CDON: variants seen among roughly 807,000 people sequenced by gnomAD.
The protein encoded by CDON is cell adhesion associated, oncogene regulated.
A neutral mutation model predicts 120.9 loss-of-function variants in CDON; 73 were observed. The observed-to-expected ratio is 0.60, with a 90% CI of 0.50 to 0.73. The LOEUF (loss-of-function observed/expected upper bound fraction) is 0.73, where lower values mean the gene tolerates loss of function less well. Among genes scored for constraint, CDON ranks in the 30% least tolerant of loss-of-function variants. The pLI is 0.00. For synonymous variants in CDON, 566 were observed against 573.5 expected (o/e 0.99, Z 0.19); for missense variants, 1,470 against 1,587.3 (o/e 0.93, Z 1.26).
chr11:126,004,252 G>A (rs1947051456), intron 9 of CDON, 176 bp from the exon 10 acceptor site: 9 of 696,286 alleles, frequency 1.3e-5, no homozygotes, highest in Middle Eastern at 4.0e-4. Flanking sequence ...TAGAAGATCT[G>A]CTGCAAGAAC....
At chr11:125,986,241 G>A (rs1003575618) in intron 15 of CDON, among the ~76,000 whole-genome samples, 1 of 152,028 alleles carries the variant, frequency 6.6e-6, no homozygotes, top group Non-Finnish European at 1.5e-5. Flanking sequence ...GGTGGGAATT[G>A]AACAATGAGA....
chr11:126,033,232 G>A (rs1355827231), intron 1 of CDON, among the ~76,000 whole-genome samples: 3 of 152,288 alleles, frequency 2.0e-5, no homozygotes, highest in East Asian at 3.9e-4. Context: ...GTGGTCTGCT[G>A]CTGCTGTTTG....
At chr11:126,053,840 A>C (rs753037847) in intron 1 of CDON, among the ~76,000 whole-genome samples, 11 of 152,046 alleles carry the variant, frequency 7.2e-5, no homozygotes, top group Non-Finnish European at 1.0e-4. Context: ...TCCAGCTGAA[A>C]CCACGCTCAC....
At position 125,965,012 on chromosome 11, in the gene CDON, C is replaced by T. The variant is rs553780731; in HGVS notation, c.3357-3014G>A. On this transcript the variant is annotated intron_variant, in intron 18 of 19. Transcript: ENST00000531738. ...AGTGATCTCAGTTCACTGCAACCTCCGCCTTTCGGGTTCAAGCAATTCTCC... is the reference window on the plus strand; with the variant it reads ...AGTGATCTCAGTTCACTGCAACCTCTGCCTTTCGGGTTCAAGCAATTCTCC... Among the ~76,000 whole-genome samples the T allele has an allele frequency of 3.9e-5, 6 of 152,264 alleles. No individual in the cohort carries two copies. The South Asian group carries it at 6.2e-4, about 16-fold the overall frequency.
chr11:125,998,175 C>T (rs970878155), intron 11 of CDON, among the ~76,000 whole-genome samples: 13 of 152,314 alleles, frequency 8.5e-5, no homozygotes, highest in African/African-American at 2.6e-4. Context: ...GAGGTGAAAA[C>T]ATGAGGAGTA....
intron 17 of CDON, among the ~76,000 whole-genome samples, chr11:125,980,291 G>T (rs1251065842): frequency 6.6e-6 from 1 of 152,110 alleles, no homozygotes; most frequent in African/African-American, 2.4e-5. Flanking sequence ...CTGAAATAAG[G>T]TTGTCTTAAG....
At chr11:125,991,212 G>A (rs896797271) in intron 14 of CDON, among the ~76,000 whole-genome samples, 19 of 152,130 alleles carry the variant, frequency 1.2e-4, no homozygotes, top group African/African-American at 4.3e-4. Flanking sequence ...CATTGTTATA[G>A]TTATTCTTCC....
At chr11:126,031,548 A>G (rs1033174456) in intron 1 of CDON, among the ~76,000 whole-genome samples, 1 of 152,188 alleles carries the variant, frequency 6.6e-6, no homozygotes, top group African/African-American at 2.4e-5. Context: ...GGATGACCTC[A>G]AACATTGTGC....
chr11:125,962,195 G>A (rs1945665357), intron 18 of CDON, among the ~76,000 whole-genome samples, 197 bp from the exon 19 acceptor site: 1 of 152,176 alleles, frequency 6.6e-6, no homozygotes, highest in South Asian at 2.1e-4. Context: ...CCATACAACA[G>A]GAGAATACAC....
intron 1 of CDON, among the ~76,000 whole-genome samples, chr11:126,041,287 T>C (rs957053401): frequency 6.6e-5 from 10 of 152,080 alleles, no homozygotes; most frequent in African/African-American, 2.4e-4. Flanking sequence ...AAAGGCACTA[T>C]TATTTTGTTC....
chr11:125,997,221 CGAACT>C lies in CDON; in HGVS notation c.2343_2347del (p.Val782Ter). On this transcript the variant is annotated frameshift_variant, in exon 12 of 20. Transcript: ENST00000531738. LOFTEE classifies it high-confidence loss of function. ...AATATTACTACCTGGTTCTAAACTA[CGAACT>C]TCCACTGAAAGTTTGGAAGGAGGGA... 1 of 1,612,804 alleles carries C rather than the reference CGAACT, an allele frequency of 6.2e-7. No individual in the cohort carries two copies. The highest frequency in any genetic ancestry group is 2.2e-5 in the East Asian group (1 of 44,866).
Position 125,960,732 on chromosome 11 carries a change from G to T in CDON, c.*210C>A. 1 of 586,406 alleles carries T rather than the reference G, an allele frequency of 1.7e-6. No homozygotes were observed. Among genetic ancestry groups the T allele is most frequent in the Non-Finnish European group, 3.0e-6 (1 of 328,594 alleles). 36.3% of individuals were successfully genotyped at this position (586,406 alleles called of 1,614,324 possible). On this transcript the variant is annotated 3_prime_UTR_variant, in exon 20 of 20. Transcript: ENST00000531738. ...AAACAAGGTTGTTTCCTACCGAGGG[G>T]GAGGAAGGAATGGGGAAGAAAACAT...
chr11:125,979,735 G>C (rs1007920696), intron 17 of CDON, among the ~76,000 whole-genome samples: 5 of 151,502 alleles, frequency 3.3e-5, no homozygotes, highest in African/African-American at 1.2e-4. Context: ...AAATGTTAAT[G>C]CTCTCTCCTT....
At position 125,965,332 on chromosome 11, in the gene CDON, T is replaced by C. The variant is rs964769303; in HGVS notation, c.3357-3334A>G. ...TCCTGCTAAGAACAACTAAAAAAAA[T>C]GGAGGAATTTTGTCTTAAATCTGTT... On this transcript the variant is annotated intron_variant, in intron 18 of 19. Coordinates refer to ENST00000531738, the MANE Select transcript of CDON (RefSeq NM_001378964.1). Among the ~76,000 whole-genome samples the C allele has an allele frequency of 3.3e-5, 5 of 152,148 alleles. No homozygotes were observed. The South Asian group carries it at 1.0e-3, about 32-fold the overall frequency.
At chr11:125,962,592 G>A (rs770382228) in intron 18 of CDON, among the ~76,000 whole-genome samples, 3 of 152,156 alleles carry the variant, frequency 2.0e-5, no homozygotes, top group South Asian at 2.1e-4. Flanking sequence ...AGTATTTCAC[G>A]TCAATTCTGT....
chr11:126,036,371 A>G (rs1033601633), intron 1 of CDON, among the ~76,000 whole-genome samples: 1 of 152,234 alleles, frequency 6.6e-6, no homozygotes, highest in African/African-American at 2.4e-5. Context: ...CAATAAAGGT[A>G]ATTTTAAAAG....
intron 1 of CDON, among the ~76,000 whole-genome samples, chr11:126,027,735 T>A (rs1469336407): frequency 6.6e-6 from 1 of 152,198 alleles, no homozygotes; most frequent in East Asian, 1.9e-4. Flanking sequence ...TGTTATCCCA[T>A]CCTCCTTATC....
intron 9 of CDON, among the ~76,000 whole-genome samples, chr11:126,004,638 G>A (rs1364486051): frequency 6.6e-6 from 1 of 152,134 alleles, no homozygotes; most frequent in Non-Finnish European, 1.5e-5. Flanking sequence ...ATATTGCATG[G>A]AGGTATTAGG....
chr11:125,998,896 G>A (rs1189018278), intron 11 of CDON, among the ~76,000 whole-genome samples: 1 of 152,148 alleles, frequency 6.6e-6, no homozygotes, highest in African/African-American at 2.4e-5. Flanking sequence ...TAGTTACTTT[G>A]AGAAAGCCAC....
Sources: gnomAD v4.1 joint callset for allele counts (sites outside exome capture counted in the v4.1 genomes callset) on GRCh38, gnomAD v4.1.1 for gene constraint, MANE v1.5 for transcripts, NCBI Gene and HGNC (gene_info 2026-07-23, HGNC 2026-07-21) for gene names.